The following SCARB1 variants were observed in gnomAD, a reference collection of about 807,000 sequenced individuals.
SCARB1 encodes scavenger receptor class B member 1.
SCARB1 carries 30 observed loss-of-function variants against 57.2 expected under a neutral mutation model. The observed-to-expected ratio is 0.52, with a 90% CI of 0.39 to 0.71. The LOEUF (loss-of-function observed/expected upper bound fraction) is 0.71. Ranked by LOEUF, SCARB1 falls within the 30% of genes least tolerant of loss-of-function variation. The pLI, the probability that SCARB1 is intolerant of heterozygous loss-of-function variation, is 0.00. For synonymous variants in SCARB1, 249 were observed against 268.3 expected (o/e 0.93, Z 0.70); for missense variants, 543 against 671.2 (o/e 0.81, Z 2.11).
chr12:124,850,179 C>T lies in SCARB1; in HGVS notation c.126+13416G>A, dbSNP rs941868022. 1.5e-4 allele frequency among the ~76,000 whole-genome samples: 23 copies of T among 150,612 alleles called. 5 individuals are homozygous for T. Among genetic ancestry groups the T allele is most frequent in the Non-Finnish European group, 3.0e-4 (20 of 67,724 alleles). The stretch of plus-strand genomic sequence containing the variant: ...TTTGAGGTCAGGAGTTCCAGACCAG[C>T]CTGGCCAACCTGGTGAAACCTCGCC... On this transcript the variant is annotated intron_variant, in intron 1 of 12. Coordinates refer to ENST00000261693, the MANE Select transcript of SCARB1 (RefSeq NM_005505.5).
intron 7 of SCARB1, among the ~76,000 whole-genome samples, chr12:124,802,476 G>T (rs1383593451): frequency 6.6e-6 from 1 of 152,016 alleles, no homozygotes; most frequent in Admixed American, 6.6e-5. Context: ...TGCCTCTCGT[G>T]CCTCCTCCGT....
chr12:124,846,514 G>A (rs1291793302), intron 1 of SCARB1, among the ~76,000 whole-genome samples: 2 of 152,042 alleles, frequency 1.3e-5, no homozygotes, highest in Non-Finnish European at 2.9e-5. Context: ...ACTTTGGGAG[G>A]CCGAGGCAGG....
chr12:124,859,919 C>T (rs11057869), intron 1 of SCARB1, among the ~76,000 whole-genome samples: 13,561 of 151,158 alleles, frequency 0.09, 683 homozygotes, highest in Middle Eastern at 0.24. Flanking sequence ...TATGGCCTAC[C>T]CATGCTGAGA....
Position 124,814,922 on chromosome 12 carries a change from CAG to C in SCARB1, c.426+49_426+50del. 4.3e-6 allele frequency: 7 copies of C among 1,611,712 alleles called. No individual in the cohort carries two copies. The highest frequency in any genetic ancestry group is 5.9e-6 in the Non-Finnish European group (7 of 1,178,888). ...CACAAGGGGCAGGCGGGAGGAGAGA[CAG>C]GGGACGAGGTCAGGGTGCGAGGCGG... is the stretch of plus-strand genomic sequence containing the variant. On this transcript the variant is annotated intron_variant, in intron 3 of 12. Coordinates refer to ENST00000261693, the MANE Select transcript of SCARB1 (RefSeq NM_005505.5). This position sits in a 1 kb window ranked among gnomAD's most constrained non-coding sequence, Gnocchi z 4.7.
In SCARB1 at chr12:124,829,236, G is replaced by A. The variant is rs546459110; in HGVS notation, c.127-11529C>T. Among the ~76,000 whole-genome samples, 7 of 152,220 alleles carry A rather than the reference G, an allele frequency of 4.6e-5. No individual in the cohort carries two copies. The East Asian group carries it at 7.7e-4, about 17-fold the overall frequency. ...CCATCAGCAAGGCTGGGCTGCTCTC[G>A]CTTTAAAGCATGCCTCAAATCCATC... On this transcript the variant is annotated intron_variant, in intron 1 of 12. Coordinates refer to ENST00000261693, the MANE Select transcript of SCARB1 (RefSeq NM_005505.5).
chr12:124,826,706 C>T (rs1027705283), intron 1 of SCARB1, among the ~76,000 whole-genome samples: 2 of 152,036 alleles, frequency 1.3e-5, no homozygotes, highest in South Asian at 4.1e-4. Flanking sequence ...GAGATCCACT[C>T]GCTTCAGCCT....
At chr12:124,854,244 C>T (rs969113590) in intron 1 of SCARB1, among the ~76,000 whole-genome samples, 7 of 152,246 alleles carry the variant, frequency 4.6e-5, no homozygotes, top group South Asian at 4.1e-4. Context: ...CAGAGACCTA[C>T]GGGAGATGAG....
chr12:124,848,187 G>A lies in SCARB1; in HGVS notation c.126+15408C>T, dbSNP rs555409214. Among the ~76,000 whole-genome samples, 10 of 152,236 alleles carry A rather than the reference G, an allele frequency of 6.6e-5. No individual in the cohort carries two copies. The East Asian group carries it at 9.6e-4, about 15-fold the overall frequency. ...CAACCTCCGCCTCCTGGGTTCAAGC[G>A]ATTCTCCTGCCTCAGCCTCCCGAGT... On this transcript the variant is annotated intron_variant, in intron 1 of 12. Transcript: ENST00000261693.
At chr12:124,803,272 T>G (rs769537933) in intron 7 of SCARB1, among the ~76,000 whole-genome samples, 57 of 152,128 alleles carry the variant, frequency 3.7e-4, no homozygotes, top group Non-Finnish European at 7.8e-4. Context: ...GCGTTGACTT[T>G]GTGAAGTTTC....
At chr12:124,836,893 G>T (rs1951667519) in intron 1 of SCARB1, among the ~76,000 whole-genome samples, 1 of 152,172 alleles carries the variant, frequency 6.6e-6, no homozygotes, top group Admixed American at 6.5e-5. Context: ...CCACTCGCTT[G>T]CCCAAGAGCA....
chr12:124,778,566 G>A lies in SCARB1; in HGVS notation c.*21C>T. On this transcript the variant is annotated 3_prime_UTR_variant, in exon 13 of 13. Coordinates refer to ENST00000261693, the MANE Select transcript of SCARB1 (RefSeq NM_005505.5). ...CAGGCCCAGCGGCCAGGCCTGGCTGGCTCACGGTGTCCTCAGGACCCTGTG... is the reference window on the plus strand; with the variant it reads ...CAGGCCCAGCGGCCAGGCCTGGCTGACTCACGGTGTCCTCAGGACCCTGTG... 1 of 1,396,772 alleles carries A rather than the reference G, an allele frequency of 7.2e-7. No homozygotes were observed. The highest frequency in any genetic ancestry group is 9.3e-7 in the Non-Finnish European group (1 of 1,075,440). The allele number at this position is 1,396,772 out of a possible 1,614,324, so 86.5% of individuals were successfully genotyped here.
At chr12:124,794,840 G>C (rs1296422086) in intron 9 of SCARB1, among the ~76,000 whole-genome samples, 1 of 152,138 alleles carries the variant, frequency 6.6e-6, no homozygotes, top group Non-Finnish European at 1.5e-5. Flanking sequence ...TGAGTCAGGA[G>C]AATCGCTTGA....
chr12:124,840,735 G>GA (rs908545218), intron 1 of SCARB1, among the ~76,000 whole-genome samples: 5 of 151,566 alleles, frequency 3.3e-5, no homozygotes, highest in Admixed American at 6.6e-5. Flanking sequence ...GACTCTCCCT[G>GA]AAAAAAAACT....
intron 5 of SCARB1, 38 bp downstream of exon 5, chr12:124,811,832 C>G: frequency 6.8e-7 from 1 of 1,480,582 alleles, no homozygotes; most frequent in Non-Finnish European, 9.4e-7. Context: ...ACCCTCCCCT[C>G]TCCCTGGCGA....
chr12:124,800,347 G>A lies in SCARB1; in HGVS notation c.1010-105C>T. ...CTGTGGTCTGCAGGGCACCCCCGTG[G>A]CGATGACAAGATAACCAGACAGAGA... On this transcript the variant is annotated intron_variant, in intron 7 of 12. Coordinates refer to ENST00000261693, the MANE Select transcript of SCARB1 (RefSeq NM_005505.5). This position sits in a 1 kb window ranked among gnomAD's most constrained non-coding sequence, Gnocchi z 4.8. The A allele has an allele frequency of 1.2e-6, 1 of 800,448 alleles. No individual in the cohort carries two copies. Among genetic ancestry groups the A allele is most frequent in the Non-Finnish European group, 2.1e-6 (1 of 472,720 alleles). The allele number at this position is 800,448 out of a possible 1,614,324, so 49.6% of individuals were successfully genotyped here.
intron 11 of SCARB1, chr12:124,783,099 C>T: frequency 2.4e-6 from 1 of 411,732 alleles, no homozygotes; most frequent in South Asian, 2.8e-5. Context: ...GGAGATGGGC[C>T]ATGGAGACCG....
rs776876716 is a variant in SCARB1, at chr12:124,817,582, C to A, written c.252G>T (p.Pro84=). The change falls in exon 2 of 13, where the codon CCG becomes CCT. Residue 84 remains proline (P), a synonymous_variant. Coordinates refer to ENST00000261693, the MANE Select transcript of SCARB1 (RefSeq NM_005505.5). The surrounding 1 kb of genome is among the most constrained non-coding windows in gnomAD (Gnocchi z 4.8). ...CGTAGGGCCCGCGCTCCCGCACCTG[C>A]GGCTTCTCGCCCTTCAGGATCTCGC... ...NPSEILKGEK[P]QVRERGPYVY... 6.2e-7 allele frequency: 1 copy of A among 1,614,068 alleles called. No homozygotes were observed. The highest frequency in any genetic ancestry group is 8.5e-7 in the Non-Finnish European group (1 of 1,180,048).
intron 1 of SCARB1, among the ~76,000 whole-genome samples, chr12:124,854,948 T>A (rs34110612): frequency 1.4e-3 from 209 of 152,128 alleles, no homozygotes; most frequent in Non-Finnish European, 2.4e-3. Flanking sequence ...GAGATGCCAT[T>A]CAGGCGCAAG....
intron 1 of SCARB1, among the ~76,000 whole-genome samples, chr12:124,836,074 G>A (rs1007820356): frequency 6.6e-6 from 1 of 152,208 alleles, no homozygotes; most frequent in African/African-American, 2.4e-5. Flanking sequence ...AACCCTGCCT[G>A]AGCATCCAAA....
Sources: gnomAD v4.1 joint callset for allele counts (sites outside exome capture counted in the v4.1 genomes callset) on GRCh38, gnomAD v4.1.1 for gene constraint, Gnocchi (gnomAD v3.1) non-coding constraint, MANE v1.5 for transcripts, NCBI Gene and HGNC (gene_info 2026-07-23, HGNC 2026-07-21) for gene names.